The following PCDHA7 variants were observed in gnomAD, a reference collection of about 807,000 sequenced individuals.
PCDHA7 encodes protocadherin alpha 7, also known as protocadherin alpha-7.
In PCDHA7, 37 loss-of-function variants were observed where a neutral mutation model predicts 57.2. The ratio of observed to expected loss-of-function variants is 0.65; its 90% CI spans 0.50 to 0.85. PCDHA7 has a LOEUF of 0.85. Among genes scored for constraint, PCDHA7 ranks in the 40% least tolerant of loss-of-function variants. The pLI is 0.00. For synonymous variants in PCDHA7, 553 were observed against 558.8 expected (o/e 0.99, Z 0.15); for missense variants, 1,188 against 1,241.8 (o/e 0.96, Z 0.65).
Position 140,883,713 on chromosome 5 carries a change from C to G in PCDHA7, c.2355+46975C>G, listed in dbSNP as rs782438050. ...ATCTTCACGGTGTCTGCTCAGGACG[C>G]GGACGCACAGGAGAACGCGCTGGTC... On this transcript the variant is annotated intron_variant, in intron 1 of 3. Coordinates refer to ENST00000525929, the MANE Select transcript of PCDHA7 (RefSeq NM_018910.3). 2.5e-6 allele frequency: 4 copies of G among 1,613,520 alleles called. No homozygotes were observed. The East Asian group carries it at 8.9e-5, about 36-fold the overall frequency.
chr5:140,967,074 A>C (rs1554229140), intron 1 of PCDHA7: 1 of 1,613,138 alleles, frequency 6.2e-7, no homozygotes. Flanking sequence ...TTCGTCAACG[A>C]GCGCATTGAT....
intron 3 of PCDHA7, among the ~76,000 whole-genome samples, chr5:141,007,395 C>CAAAAAAAAAAAAAAA (rs35800918): frequency 2.1e-5 from 2 of 94,866 alleles, no homozygotes; most frequent in Non-Finnish European, 2.1e-5. Context: ...TACTAAAATA[C>CAAAAAAAAAAAAAAA]AAAAAAAAAA....
chr5:140,869,205 C>T (rs782278064), intron 1 of PCDHA7: 1 of 1,613,994 alleles, frequency 6.2e-7, no homozygotes, highest in Non-Finnish European at 8.5e-7. Flanking sequence ...TCCACTACTC[C>T]GTCTCGGAGG....
At chr5:140,928,208 A>AT (rs1436614514) in intron 1 of PCDHA7, 2 of 1,614,110 alleles carry the variant, frequency 1.2e-6, no homozygotes, top group Non-Finnish European at 1.7e-6. Flanking sequence ...GCTGATGTGA[A>AT]TGACAATACA....
chr5:140,969,214 A>G (rs906572071), intron 1 of PCDHA7: 5 of 1,614,194 alleles, frequency 3.1e-6, no homozygotes, highest in Non-Finnish European at 4.2e-6. Context: ...CCCAGACAGG[A>G]CCAGGGCCTT....
intron 1 of PCDHA7, chr5:140,968,651 GA>G: frequency 6.2e-7 from 1 of 1,614,154 alleles, no homozygotes; most frequent in Non-Finnish European, 8.5e-7. Flanking sequence ...CCAGACTTCT[GA>G]CCTGGACCTC....
chr5:140,838,055 C>A (rs1775397584), intron 1 of PCDHA7, among the ~76,000 whole-genome samples: 1 of 145,046 alleles, frequency 6.9e-6, no homozygotes, highest in African/African-American at 2.6e-5. Flanking sequence ...TTTTGGTTTT[C>A]CACTTTAAGT....
At chr5:140,927,540 C>T (rs1376391756) in intron 1 of PCDHA7, 6 of 1,614,136 alleles carry the variant, frequency 3.7e-6, no homozygotes, top group African/African-American at 2.7e-5. Flanking sequence ...GCTCAGGAGA[C>T]GCACAAGTCA....
intron 1 of PCDHA7, among the ~76,000 whole-genome samples, chr5:140,949,916 A>G (rs1350647225): frequency 6.6e-6 from 1 of 150,834 alleles, no homozygotes; most frequent in African/African-American, 2.4e-5. Flanking sequence ...AGATATAACT[A>G]TTTTTAGATT....
chr5:140,842,487 T>G, intron 1 of PCDHA7: 3 of 1,613,936 alleles, frequency 1.9e-6, no homozygotes, highest in Non-Finnish European at 2.5e-6. Context: ...ACCTGCTCCC[T>G]GATGCCCCAT....
chr5:140,873,172 G>A (rs545473160), intron 1 of PCDHA7, among the ~76,000 whole-genome samples: 1 of 152,202 alleles, frequency 6.6e-6, no homozygotes, highest in African/African-American at 2.4e-5. Flanking sequence ...GAGAGCTTTT[G>A]TATCATAATA....
chr5:140,853,476 A>G (rs2042763502), intron 1 of PCDHA7: 2 of 972,352 alleles, frequency 2.1e-6, no homozygotes, highest in South Asian at 4.8e-5. Context: ...TGTAGTTAAC[A>G]TTCCTCAATT....
intron 1 of PCDHA7, chr5:140,861,770 C>T (rs2047074115): frequency 6.2e-6 from 1 of 161,486 alleles, no homozygotes; most frequent in African/African-American, 2.4e-5. Flanking sequence ...CCTGGAAATA[C>T]CAAGAGCAGG....
In PCDHA7 at chr5:140,836,231, C is replaced by T; in HGVS notation, c.1848C>T (p.Ala616=). 1.9e-6 allele frequency: 3 copies of T among 1,613,742 alleles called. No individual in the cohort carries two copies. The highest frequency in any genetic ancestry group is 2.2e-5 in the East Asian group (1 of 44,850). The change falls in exon 1 of 4, where the codon GCC becomes GCT. Residue 616 remains alanine, a synonymous_variant. Coordinates refer to ENST00000525929, the MANE Select transcript of PCDHA7 (RefSeq NM_018910.3). ...CGTATGAGTTGCAACCGGTGGCGGC[C>T]GGTGCGAGCATCCCGTTCCGCGTGG... ...WLSYELQPVA[A]GASIPFRVGL...
intron 1 of PCDHA7, chr5:140,967,255 T>G (rs202164321): frequency 2.5e-6 from 4 of 1,613,342 alleles, no homozygotes; most frequent in Non-Finnish European, 3.4e-6. Context: ...CGGTGGCGCC[T>G]GGAGCGCGCT....
At chr5:140,969,045 C>A (rs782611179) in intron 1 of PCDHA7, 1 of 1,614,090 alleles carries the variant, frequency 6.2e-7, no homozygotes, top group Admixed American at 1.7e-5. Context: ...TACAAACAAG[C>A]CAACAACAAT....
At chr5:140,917,332 G>GT (rs1293292013) in intron 1 of PCDHA7, among the ~76,000 whole-genome samples, 2 of 145,540 alleles carry the variant, frequency 1.4e-5, no homozygotes, top group Non-Finnish European at 3.0e-5. Flanking sequence ...GGCGGGGGAG[G>GT]GGGGGGATGG....
intron 1 of PCDHA7, chr5:140,926,986 C>A (rs782199565): frequency 8.1e-6 from 13 of 1,610,594 alleles, no homozygotes; most frequent in Non-Finnish European, 2.5e-6. Flanking sequence ...GGAGACGGAG[C>A]GGGGCGTAGC....
At chr5:140,858,485 T>G (rs2045446148) in intron 1 of PCDHA7, 1 of 1,503,010 alleles carries the variant, frequency 6.7e-7, no homozygotes, top group Non-Finnish European at 9.1e-7. Flanking sequence ...GAATAATATT[T>G]TCTCTTACCG....
Sources: gnomAD v4.1 joint callset for allele counts (sites outside exome capture counted in the v4.1 genomes callset) on GRCh38, gnomAD v4.1.1 for gene constraint, MANE v1.5 for transcripts, NCBI Gene and HGNC (gene_info 2026-07-23, HGNC 2026-07-21) for gene names.